MPZL1: variants seen among roughly 807,000 people sequenced by gnomAD.
MPZL1 encodes the protein myelin protein zero like 1.
A neutral mutation model predicts 29.3 loss-of-function variants in MPZL1; 16 were observed. The ratio of observed to expected loss-of-function variants is 0.55; its 90% CI spans 0.37 to 0.83. MPZL1 has a LOEUF of 0.83. MPZL1 is among the 40% of genes least tolerant of loss of function. The pLI is 0.00. For missense variants in MPZL1, 279 were observed against 332.9 expected, an observed-to-expected ratio of 0.84 and a Z score of 1.26; for synonymous variants, 143 against 132.0, an observed-to-expected ratio of 1.08 and a Z score of -0.57.
intron 1 of MPZL1, among the ~76,000 whole-genome samples, chr1:167,722,714 C>G (rs1660062596): frequency 6.6e-6 from 1 of 152,182 alleles, no homozygotes; most frequent in Non-Finnish European, 1.5e-5. Flanking sequence ...TGATTTGTTT[C>G]CTGTTAAGCC....
chr1:167,769,545 G>A (rs1450865972), intron 2 of MPZL1, among the ~76,000 whole-genome samples: 3 of 152,152 alleles, frequency 2.0e-5, no homozygotes, highest in African/African-American at 7.2e-5. Context: ...TGCTCATAAG[G>A]TTCTTTGTTT....
At chr1:167,768,137 A>G (rs1480926989) in intron 2 of MPZL1, among the ~76,000 whole-genome samples, 1 of 152,034 alleles carries the variant, frequency 6.6e-6, no homozygotes, top group Non-Finnish European at 1.5e-5. Flanking sequence ...GCAGGTGCAT[A>G]GTCTTAGAAC....
chr1:167,763,113 A>C (rs921341723), intron 1 of MPZL1, among the ~76,000 whole-genome samples: 3 of 151,748 alleles, frequency 2.0e-5, no homozygotes, highest in Admixed American at 6.6e-5. Flanking sequence ...TTTGCTCAAA[A>C]TTCTGTGACT....
chr1:167,754,696 A>G (rs187060397), intron 1 of MPZL1, among the ~76,000 whole-genome samples: 13 of 152,310 alleles, frequency 8.5e-5, no homozygotes, highest in Admixed American at 1.3e-4. Flanking sequence ...GTCTTATTGT[A>G]TAATAGCATC....
chr1:167,770,962 A>G (rs1337160177), intron 2 of MPZL1, among the ~76,000 whole-genome samples: 1 of 151,380 alleles, frequency 6.6e-6, no homozygotes, highest in Non-Finnish European at 1.5e-5. Context: ...TGTCTGGCTT[A>G]GATTCCATAA....
intron 5 of MPZL1, among the ~76,000 whole-genome samples, chr1:167,783,150 G>C (rs1338728216): frequency 6.6e-6 from 1 of 152,126 alleles, no homozygotes; most frequent in Non-Finnish European, 1.5e-5. Context: ...CTTAGAAGCT[G>C]ATGCCATTCT....
chr1:167,767,935 T>C (rs1018681016), intron 2 of MPZL1, among the ~76,000 whole-genome samples: 3 of 151,884 alleles, frequency 2.0e-5, no homozygotes, highest in Non-Finnish European at 2.9e-5. Flanking sequence ...ACCACTTCCC[T>C]TCTGCCCCCA....
chr1:167,741,330 C>CT (rs57675541), intron 1 of MPZL1, among the ~76,000 whole-genome samples: 32,774 of 131,956 alleles, frequency 0.25, 4,402 homozygotes, highest in East Asian at 0.41. Context: ...CCTGCAGTCA[C>CT]TTTTTTTTTT....
chr1:167,724,049 C>T (rs1660094288), intron 1 of MPZL1, among the ~76,000 whole-genome samples: 1 of 152,154 alleles, frequency 6.6e-6, no homozygotes, highest in Admixed American at 6.5e-5. Flanking sequence ...TCTGCCTTTT[C>T]CTCGCAAGCA....
At chr1:167,750,190 CCTTTTCTTTT>C (rs374960591) in intron 1 of MPZL1, among the ~76,000 whole-genome samples, 20 of 151,326 alleles carry the variant, frequency 1.3e-4, no homozygotes, top group African/African-American at 3.1e-4. Flanking sequence ...TTTTCTTTTT[CCTTTTCTTTT>C]CTTTTCTTTT....
chr1:167,757,264 C>T lies in MPZL1; in HGVS notation c.92-8319C>T, dbSNP rs554053999. ...CCACCAGCACACGTCATTGAGTCAG[C>T]TTTACTTTATCCAGCCTGATTGTAG... On this transcript the variant is annotated intron_variant, in intron 1 of 5. Transcript: ENST00000359523. 4.6e-5 allele frequency among the ~76,000 whole-genome samples: 7 copies of T among 152,308 alleles called. No individual in the cohort carries two copies. The South Asian group carries it at 1.2e-3, about 27-fold the overall frequency.
At chr1:167,771,277 A>G (rs1415296390) in intron 2 of MPZL1, among the ~76,000 whole-genome samples, 12 of 152,188 alleles carry the variant, frequency 7.9e-5, no homozygotes, top group Non-Finnish European at 1.2e-4. Flanking sequence ...CTGAGTTGAC[A>G]CAGCACATGT....
intron 1 of MPZL1, among the ~76,000 whole-genome samples, chr1:167,723,260 A>G (rs911027915): frequency 1.3e-5 from 2 of 152,376 alleles, no homozygotes; most frequent in Non-Finnish European, 2.9e-5. Flanking sequence ...CAGTATCTGA[A>G]TACCAGAGTT....
At position 167,773,291 on chromosome 1, in the gene MPZL1, C is replaced by G; in HGVS notation, c.528C>G (p.Val176=). 6.2e-7 allele frequency: 1 copy of G among 1,613,554 alleles called. No homozygotes were observed. The highest frequency in any genetic ancestry group is 1.7e-5 in the Admixed American group (1 of 60,020). The change falls in exon 4 of 6, where the codon GTC becomes GTG. Residue 176 remains valine, a synonymous_variant. Transcript: ENST00000359523. ...WVVVGIVTAV[V]LGLTLLISMI... is the part of the protein sequence containing the mutation. ...TGGTGGGCATAGTTACTGCTGTGGT[C>G]CTAGGTCTCACTCTGCTCATCAGCA...
At chr1:167,750,190 C>T (rs908691068) in intron 1 of MPZL1, among the ~76,000 whole-genome samples, 12 of 151,206 alleles carry the variant, frequency 7.9e-5, no homozygotes, top group Admixed American at 3.3e-4. Flanking sequence ...TTTTCTTTTT[C>T]CTTTTCTTTT....
chr1:167,760,234 G>T (rs1461756576), intron 1 of MPZL1, among the ~76,000 whole-genome samples: 3 of 152,016 alleles, frequency 2.0e-5, no homozygotes, highest in Non-Finnish European at 4.4e-5. Flanking sequence ...ACAGAGTCTC[G>T]CTCTGTCACC....
intron 1 of MPZL1, among the ~76,000 whole-genome samples, chr1:167,727,070 T>C (rs542103062): frequency 5.0e-4 from 76 of 152,358 alleles, no homozygotes; most frequent in African/African-American, 1.7e-3. Context: ...GAACATCTTA[T>C]TTGTATTATA....
intron 1 of MPZL1, among the ~76,000 whole-genome samples, chr1:167,751,137 AT>A (rs941769627): frequency 6.6e-6 from 1 of 152,068 alleles, no homozygotes; most frequent in African/African-American, 2.4e-5. Context: ...TAAAGTAACT[AT>A]TTTTTTCCCC....
At chr1:167,781,190 G>T (rs528164717) in intron 5 of MPZL1, among the ~76,000 whole-genome samples, 5 of 152,266 alleles carry the variant, frequency 3.3e-5, no homozygotes, top group African/African-American at 1.2e-4. Context: ...TCAGCAGTTG[G>T]TAGAACAGGT....
Sources: gnomAD v4.1 joint callset for allele counts (sites outside exome capture counted in the v4.1 genomes callset) on GRCh38, gnomAD v4.1.1 for gene constraint, MANE v1.5 for transcripts, NCBI Gene and HGNC (gene_info 2026-07-23, HGNC 2026-07-21) for gene names.